S100A13: variants seen among roughly 807,000 people sequenced by gnomAD.
S100A13 encodes protein S100-A13.
A neutral mutation model predicts 8.2 loss-of-function variants in S100A13; 6 were observed. That is an observed-to-expected ratio of 0.73 (90% CI 0.40 to 1.44). The LOEUF (loss-of-function observed/expected upper bound fraction) is 1.44. Among genes scored for constraint, S100A13 ranks in the 40% most tolerant of loss-of-function variants. The pLI is 0.02. For missense variants in S100A13, 114 were observed against 113.6 expected, an observed-to-expected ratio of 1.00 and a Z score of -0.02; for synonymous variants, 39 against 45.9, an observed-to-expected ratio of 0.85 and a Z score of 0.61.
At chr1:153,619,490 G>A (rs961900868) in intron 2 of S100A13, among the ~76,000 whole-genome samples, 8 of 152,220 alleles carry the variant, frequency 5.3e-5, no homozygotes, top group African/African-American at 1.9e-4. Flanking sequence ...AGCTGGAGAA[G>A]CTCCCAGTAC....
At chr1:153,620,842 G>A (rs1451780146) in intron 2 of S100A13, among the ~76,000 whole-genome samples, 1 of 152,070 alleles carries the variant, frequency 6.6e-6, no homozygotes, top group Admixed American at 6.6e-5. Context: ...AAGGTGAGAG[G>A]ATCGCTTGAG....
Position 153,619,049 on chromosome 1 carries a change from A to G in S100A13, c.154-11T>C, listed in dbSNP as rs1339257337. The G allele has an allele frequency of 6.2e-7, 1 of 1,611,682 alleles. No homozygotes were observed. Among genetic ancestry groups the G allele is most frequent in the Admixed American group, 1.7e-5 (1 of 59,712 alleles). ...AAGAGAGCCCACATCCTGAGGAGAC[A>G]CCAAAGGGAAGGGTAGAGTTAGAAA... On this transcript the variant is annotated splice_polypyrimidine_tract_variant and intron_variant, in intron 2 of 2. Transcript: ENST00000476133.
At chr1:153,626,643 G>A (rs1005872830) in intron 1 of S100A13, 110 bp from the exon 2 acceptor site, 3 of 590,440 alleles carry the variant, frequency 5.1e-6, no homozygotes, top group East Asian at 5.6e-5. Context: ...GCCTGGAGGG[G>A]GCATATGGGG....
At chr1:153,630,353 C>T, upstream of S100A13, 1 of 936,676 alleles carries the variant, frequency 1.1e-6, no homozygotes, top group Non-Finnish European at 1.6e-6. Flanking sequence ...GTTTCCCTCA[C>T]ATTGTAAAAT....
At chr1:153,619,185 G>T in intron 2 of S100A13, 147 bp from the exon 3 acceptor site, 1 of 735,544 alleles carries the variant, frequency 1.4e-6, no homozygotes, top group Non-Finnish European at 2.2e-6. Context: ...GGAGGCTGCA[G>T]CCCCAAAACT....
chr1:153,623,349 C>T (rs1185641525), intron 2 of S100A13, among the ~76,000 whole-genome samples: 1 of 151,406 alleles, frequency 6.6e-6, no homozygotes, highest in Non-Finnish European at 1.5e-5. Context: ...GGGGAGGGAG[C>T]ACATACAAGT....
intron 2 of S100A13, among the ~76,000 whole-genome samples, chr1:153,622,489 A>G (rs962446609): frequency 6.6e-6 from 1 of 152,222 alleles, no homozygotes; most frequent in Non-Finnish European, 1.5e-5. Context: ...TGCAAGAAGG[A>G]AGAAATGGAC....
At chr1:153,619,189 C>A in intron 2 of S100A13, 151 bp from the exon 3 acceptor site, 4 of 707,188 alleles carry the variant, frequency 5.7e-6, no homozygotes, top group Non-Finnish European at 9.4e-6. Flanking sequence ...GCTGCAGCCC[C>A]AAAACTGCAC....
At chr1:153,620,401 T>C (rs1312529372) in intron 2 of S100A13, among the ~76,000 whole-genome samples, 2 of 149,224 alleles carry the variant, frequency 1.3e-5, no homozygotes, top group Non-Finnish European at 3.0e-5. Context: ...GCAGAGGCTG[T>C]AGTGAGCCGA....
chr1:153,622,884 CCTAATT>C (rs1005060713), intron 2 of S100A13, among the ~76,000 whole-genome samples: 7 of 152,104 alleles, frequency 4.6e-5, no homozygotes, highest in African/African-American at 1.7e-4. Context: ...TCTTTGCTTA[CCTAATT>C]ACATGCACGC....
chr1:153,630,469 G>A (rs1667943101), upstream of S100A13: 1 of 1,605,692 alleles, frequency 6.2e-7, no homozygotes, highest in Admixed American at 1.7e-5. Flanking sequence ...AGGTACTCCG[G>A]GCCTGGTCCT....
At chr1:153,628,509 C>A, upstream of S100A13, 1 of 1,550,568 alleles carries the variant, frequency 6.4e-7, no homozygotes, top group South Asian at 1.2e-5. Context: ...GAGTACCCTG[C>A]CCCACTGGGC....
At chr1:153,624,289 GA>G (rs1175228489) in intron 2 of S100A13, among the ~76,000 whole-genome samples, 1 of 152,180 alleles carries the variant, frequency 6.6e-6, no homozygotes, top group Non-Finnish European at 1.5e-5. Context: ...TGAGAAAATT[GA>G]AAGGCCCAGA....
upstream of S100A13, chr1:153,632,102 A>G (rs1167872357): frequency 4.3e-6 from 2 of 461,560 alleles, no homozygotes; most frequent in African/African-American, 2.0e-5. Flanking sequence ...TTCACTCTCA[A>G]CTCCCCTTAT....
Position 153,626,419 on chromosome 1 carries a change from G to A in S100A13, c.54C>T (p.Thr18=). 2 of 1,614,182 alleles carry A rather than the reference G, an allele frequency of 1.2e-6. No individual in the cohort carries two copies. Among genetic ancestry groups the A allele is most frequent in the Middle Eastern group, 1.6e-4 (1 of 6,062 alleles). The change falls in exon 2 of 3, where the codon ACC becomes ACT. Residue 18 remains threonine, a synonymous_variant. Transcript: ENST00000476133. The stretch of plus-strand genomic sequence containing the variant: ...CCTGCCTTGCAAAGGTGAAGAAGGT[G>A]GTGACCACGGTCTCAATGGACTCCT... ...ELEESIETVV[T]TFFTFARQEG...
At chr1:153,619,421 G>A (rs1292845059) in intron 2 of S100A13, among the ~76,000 whole-genome samples, 1 of 152,234 alleles carries the variant, frequency 6.6e-6, no homozygotes, top group African/African-American at 2.4e-5. Context: ...ATCTCAGGGA[G>A]ATGCTGCAGG....
chr1:153,620,634 G>C (rs1025664850), intron 2 of S100A13, among the ~76,000 whole-genome samples: 2 of 152,132 alleles, frequency 1.3e-5, no homozygotes, highest in African/African-American at 4.8e-5. Context: ...CCCATGCTAA[G>C]TACTAAGTTG....
At chr1:153,627,620 A>G, upstream of S100A13, 1 of 160,114 alleles carries the variant, frequency 6.2e-6, no homozygotes, top group Non-Finnish European at 1.4e-5. Flanking sequence ...AGACAGCCCA[A>G]TCAGGCCGCT....
chr1:153,630,559 TCAA>T, upstream of S100A13: 1 of 1,614,216 alleles, frequency 6.2e-7, no homozygotes, highest in Non-Finnish European at 8.5e-7. Flanking sequence ...GAGACCCTCA[TCAA>T]CGTGTTCCAC....
Sources: gnomAD v4.1 joint callset for allele counts (sites outside exome capture counted in the v4.1 genomes callset) on GRCh38, gnomAD v4.1.1 for gene constraint, MANE v1.5 for transcripts, NCBI Gene and HGNC (gene_info 2026-07-23, HGNC 2026-07-21) for gene names.